Variants in NUP98 observed in about 807,000 individuals in gnomAD.
NUP98 encodes the protein nuclear pore complex protein Nup98-Nup96.
A neutral mutation model predicts 191.9 loss-of-function variants in NUP98; 26 were observed. The observed-to-expected ratio is 0.14, with a 90% CI of 0.10 to 0.19. NUP98 has a LOEUF of 0.19. Among genes scored for constraint, NUP98 ranks in the 10% least tolerant of loss-of-function variants. The probability of loss-of-function intolerance (pLI) is 1.00; values close to 1 mark genes in which losing one functional copy is unlikely to be tolerated. For synonymous variants in NUP98, 808 were observed against 778.4 expected, an observed-to-expected ratio of 1.04 and a Z score of -0.63; for missense variants, 1,941 against 2,178.8, an observed-to-expected ratio of 0.89 and a Z score of 2.17.
Position 3,676,274 on chromosome 11 carries a change from A to G in NUP98, c.5288T>C (p.Leu1763Ser), listed in dbSNP as rs776741167. 5.0e-6 allele frequency: 8 copies of G among 1,614,172 alleles called. No homozygotes were observed. The South Asian group carries it at 8.8e-5, about 18-fold the overall frequency. The change falls in exon 33 of 33, where the codon TTG (leucine) becomes TCG (serine). Residue 1763 changes from leucine to serine, a missense_variant. Around this residue, in one of 6 missense-constraint regions of NUP98, gnomAD observed 1,030 missense variants for 1,115.8 expected, o/e 0.92. Transcript: ENST00000324932. Reference sequence around the variant, plus strand: ...GCCAATGTGGGGAGCCAAGAGGCGCAAAGGGACTCGCTGAGGGTCTGGTGT... The same window carrying G: ...GCCAATGTGGGGAGCCAAGAGGCGCGAAGGGACTCGCTGAGGGTCTGGTGT... The part of the protein sequence containing the change: ...DSTPDPQRVP[L>S]RLLAPHIGRL...
chr11:3,768,565 G>C lies in NUP98; in HGVS notation c.948+16C>G, dbSNP rs769005547. On this transcript the variant is annotated intron_variant, in intron 8 of 32. Coordinates refer to ENST00000324932, the MANE Select transcript of NUP98 (RefSeq NM_016320.5). ...AAAAATAAGACATGGAGGTAAGTAA[G>C]GGTCTGTTTCCTTACCATGGTGTTG... is the stretch of plus-strand genomic sequence containing the variant. The C allele has an allele frequency of 9.1e-6, 14 of 1,537,006 alleles. No individual in the cohort carries two copies. Among genetic ancestry groups the C allele is most frequent in the Middle Eastern group, 1.8e-4 (1 of 5,660 alleles).
Position 3,736,076 on chromosome 11 carries a change from T to TTGTGTGTGTG in NUP98, c.1409-762_1409-753dup, listed in dbSNP as rs34834363. Among the ~76,000 whole-genome samples, 351 of 129,536 alleles carry TTGTGTGTGTG rather than the reference T, an allele frequency of 2.7e-3. 2 individuals carry two copies. The highest frequency in any genetic ancestry group is 9.6e-3 in the African/African-American group (316 of 33,008). 85.0% of individuals were successfully genotyped at this position (129,536 alleles called of 152,430 possible). On this transcript the variant is annotated intron_variant, in intron 12 of 32. Coordinates refer to ENST00000324932, the MANE Select transcript of NUP98 (RefSeq NM_016320.5). ...GTCACCACACCAACAACAGCTAATT[T>TTGTGTGTGTG]TGTGTGTGTGTGTGTGTGTGTGTTT...
At chr11:3,777,052 A>G (rs558238702) in intron 4 of NUP98, among the ~76,000 whole-genome samples, 11 of 152,310 alleles carry the variant, frequency 7.2e-5, no homozygotes, top group African/African-American at 1.2e-4. Context: ...TTTTATTTAC[A>G]TACATTATAA....
chr11:3,677,369 A>C (rs550504619), intron 31 of NUP98, among the ~76,000 whole-genome samples: 1 of 151,972 alleles, frequency 6.6e-6, no homozygotes, highest in African/African-American at 2.4e-5. Context: ...AAGGAGAAGA[A>C]GCAGAACAAG....
chr11:3,777,155 A>C (rs1011537408), intron 4 of NUP98, among the ~76,000 whole-genome samples: 1 of 152,160 alleles, frequency 6.6e-6, no homozygotes, highest in Non-Finnish European at 1.5e-5. Flanking sequence ...CACCCCCCAA[A>C]ATTTCAGAAA....
rs192111568 is a variant in NUP98 at position 3,687,858 on chromosome 11, G to A, written c.4455-1664C>T. Among the ~76,000 whole-genome samples the A allele has an allele frequency of 2.6e-3, 388 of 146,762 alleles. 2 individuals are homozygous for A. The highest frequency in any genetic ancestry group is 9.2e-3 in the African/African-American group (366 of 39,704). On this transcript the variant is annotated intron_variant, in intron 28 of 32. Coordinates refer to ENST00000324932, the MANE Select transcript of NUP98 (RefSeq NM_016320.5). The stretch of plus-strand genomic sequence containing the variant: ...GGGTGGATCACGAGGTCAGGAGATC[G>A]AGACTATCTTGGCTAACAAAACAAG...
intron 12 of NUP98, among the ~76,000 whole-genome samples, chr11:3,737,694 AG>A (rs1346824836): frequency 6.6e-6 from 1 of 152,040 alleles, no homozygotes; most frequent in Admixed American, 6.6e-5. Flanking sequence ...GAAGAGTCAA[AG>A]GTTTCTTAAA....
intron 15 of NUP98, among the ~76,000 whole-genome samples, chr11:3,723,949 T>A (rs1253180205): frequency 1.3e-5 from 2 of 151,632 alleles, no homozygotes; most frequent in South Asian, 2.1e-4. Flanking sequence ...AATCTAAATG[T>A]CCACTAACAA....
At chr11:3,773,818 G>T (rs2081611631) in intron 5 of NUP98, 79 bp from the exon 6 acceptor site, 2 of 828,554 alleles carry the variant, frequency 2.4e-6, no homozygotes, top group Non-Finnish European at 4.0e-6. Flanking sequence ...CTCAACCACT[G>T]AACTCTAAAA....
chr11:3,755,153 A>C (rs933971712), intron 10 of NUP98, among the ~76,000 whole-genome samples: 10 of 152,096 alleles, frequency 6.6e-5, no homozygotes, highest in African/African-American at 2.4e-4. Context: ...GAACATATGA[A>C]GTCATTTAAA....
chr11:3,771,371 G>A (rs753589089), intron 7 of NUP98, among the ~76,000 whole-genome samples: 11 of 152,064 alleles, frequency 7.2e-5, no homozygotes, highest in Admixed American at 2.0e-4. Context: ...CTACAAAGTC[G>A]TATAAAATAT....
intron 30 of NUP98, among the ~76,000 whole-genome samples, chr11:3,682,617 A>G (rs2078015900): frequency 6.6e-6 from 1 of 152,236 alleles, no homozygotes; most frequent in Non-Finnish European, 1.5e-5. Context: ...TGGCACCCCA[A>G]AACAAAACAG....
intron 10 of NUP98, among the ~76,000 whole-genome samples, chr11:3,756,919 C>CTA (rs1381823483): frequency 6.6e-6 from 1 of 151,274 alleles, no homozygotes; most frequent in Non-Finnish European, 1.5e-5. Context: ...AACCCCGTCT[C>CTA]TATTAAGAAT....
At chr11:3,696,250 C>T (rs1233074981) in intron 25 of NUP98, among the ~76,000 whole-genome samples, 1 of 152,006 alleles carries the variant, frequency 6.6e-6, no homozygotes, top group Non-Finnish European at 1.5e-5. Context: ...ACCTGTAATC[C>T]CAGTGCTCTG....
chr11:3,771,143 G>C (rs2081518343), intron 7 of NUP98, among the ~76,000 whole-genome samples: 1 of 152,142 alleles, frequency 6.6e-6, no homozygotes, highest in African/African-American at 2.4e-5. Context: ...GACTGCAGGC[G>C]TGAGCCACCA....
intron 11 of NUP98, among the ~76,000 whole-genome samples, chr11:3,745,128 C>T (rs531632603): frequency 6.6e-6 from 1 of 152,240 alleles, no homozygotes; most frequent in African/African-American, 2.4e-5. Context: ...TAACTGCCTG[C>T]CACCTATAAT....
chr11:3,779,800 CTT>C (rs1055295717), intron 2 of NUP98, among the ~76,000 whole-genome samples: 4 of 151,822 alleles, frequency 2.6e-5, no homozygotes, highest in African/African-American at 9.7e-5. Flanking sequence ...AAAGGAGTGA[CTT>C]TTCAATAAAA....
chr11:3,708,821 A>C (rs999249182), intron 20 of NUP98, among the ~76,000 whole-genome samples: 5 of 152,162 alleles, frequency 3.3e-5, no homozygotes, highest in East Asian at 1.9e-4. Context: ...GTATAGGAAG[A>C]AGCAGCCAAC....
chr11:3,686,584 C>T (rs908511583), intron 28 of NUP98, among the ~76,000 whole-genome samples: 1 of 152,092 alleles, frequency 6.6e-6, no homozygotes, highest in African/African-American at 2.4e-5. Context: ...TTGAAGTATC[C>T]TTTTCTTTCT....
Sources: allele counts gnomAD v4.1 joint callset (sites outside exome capture counted in the v4.1 genomes callset), GRCh38; gene constraint gnomAD v4.1.1; regional missense constraint gnomAD v4.1.1; transcripts MANE v1.5; gene names NCBI Gene and HGNC (gene_info 2026-07-23, HGNC 2026-07-21).